RPSA2: variants seen among roughly 807,000 people sequenced by gnomAD.
The protein encoded by RPSA2 is ribosomal protein SA 2.
the RPSA2 span, among the ~76,000 whole-genome samples, chr19:23,858,956 A>C: frequency 6.6e-6 from 1 of 152,206 alleles, no homozygotes; most frequent in African/African-American, 2.4e-5. Flanking sequence ...GAGGGCTGGA[A>C]GTCCCACTTG....
chr19:23,857,485 CTTTTTTTT>C, the RPSA2 span, among the ~76,000 whole-genome samples: 1 of 95,258 alleles, frequency 1.0e-5, no homozygotes, highest in South Asian at 4.2e-4. Context: ...TTTTTAAAGT[CTTTTTTTT>C]TTTTTTTTTT....
chr19:23,808,367 T>C, the RPSA2 span, among the ~76,000 whole-genome samples: 1 of 149,514 alleles, frequency 6.7e-6, no homozygotes, highest in Non-Finnish European at 1.5e-5. Flanking sequence ...CCTCCCAGGT[T>C]CAAGCGATTC....
chr19:23,767,761 G>GTTTTTTTTTT, the RPSA2 span, among the ~76,000 whole-genome samples: 1 of 73,102 alleles, frequency 1.4e-5, no homozygotes, highest in Non-Finnish European at 2.5e-5. Flanking sequence ...TTCAATTTCA[G>GTTTTTTTTTT]TTTTTTTTTT....
the RPSA2 span, among the ~76,000 whole-genome samples, chr19:23,774,791 G>A: frequency 6.6e-6 from 1 of 152,138 alleles, no homozygotes; most frequent in Non-Finnish European, 1.5e-5. Flanking sequence ...TACTGTCTGT[G>A]CCCTGATTTC....
chr19:23,802,560 T>A, the RPSA2 span, among the ~76,000 whole-genome samples: 2 of 152,222 alleles, frequency 1.3e-5, no homozygotes. Flanking sequence ...TCTGTCTTAC[T>A]GTAAAAGAAA....
the RPSA2 span, among the ~76,000 whole-genome samples, chr19:23,761,931 T>TCTCTC: frequency 1.6e-5 from 1 of 61,692 alleles, no homozygotes; most frequent in African/African-American, 7.5e-5. Flanking sequence ...TTTTTTTTTT[T>TCTCTC]TTTTGAGATG....
the RPSA2 span, among the ~76,000 whole-genome samples, chr19:23,856,073 G>T: frequency 0.98 from 148,542 of 151,876 alleles, 72,733 homozygotes; most frequent in Middle Eastern, 1. Flanking sequence ...GGTGGGGGAG[G>T]AGTAGGTGAA....
the RPSA2 span, among the ~76,000 whole-genome samples, chr19:23,786,033 T>C: frequency 6.6e-6 from 1 of 152,190 alleles, no homozygotes; most frequent in Non-Finnish European, 1.5e-5. Flanking sequence ...CAGTTAAAAT[T>C]GTGACTGTCA....
chr19:23,865,794 C>T, the RPSA2 span, among the ~76,000 whole-genome samples: 1 of 152,138 alleles, frequency 6.6e-6, no homozygotes, highest in African/African-American at 2.4e-5. Context: ...TGATCCACCA[C>T]ATTTTTGACA....
At chr19:23,835,291 A>G in the RPSA2 span, among the ~76,000 whole-genome samples, 57 of 152,300 alleles carry the variant, frequency 3.7e-4, no homozygotes, top group Non-Finnish European at 7.5e-4. Flanking sequence ...AGAGTTAAAT[A>G]TTCACATCTA....
the RPSA2 span, among the ~76,000 whole-genome samples, chr19:23,787,533 C>T: frequency 7.9e-5 from 12 of 151,938 alleles, no homozygotes; most frequent in Admixed American, 2.6e-4. Flanking sequence ...TGGTTGAATT[C>T]GGGAGGTGGA....
the RPSA2 span, among the ~76,000 whole-genome samples, chr19:23,824,528 T>A: frequency 6.6e-6 from 1 of 151,650 alleles, no homozygotes; most frequent in Non-Finnish European, 1.5e-5. Context: ...AGTTTTATGA[T>A]GGTGTTCATT....
At chr19:23,797,805 T>A in the RPSA2 span, among the ~76,000 whole-genome samples, 1 of 152,228 alleles carries the variant, frequency 6.6e-6, no homozygotes, top group African/African-American at 2.4e-5. Context: ...TTTTCTTCCG[T>A]AAACATTCTT....
At chr19:23,832,232 A>G in the RPSA2 span, 1 of 444,784 alleles carries the variant, frequency 2.2e-6, no homozygotes, top group Non-Finnish European at 4.6e-6. Flanking sequence ...AAATGTGAAG[A>G]ATGTGGCAAA....
chr19:23,818,017 C>T, the RPSA2 span: 1 of 152,118 alleles, frequency 6.6e-6, no homozygotes, highest in African/African-American at 2.4e-5. Context: ...CATCATTGCT[C>T]TATGGGAGGA....
At chr19:23,760,771 C>A in the RPSA2 span, among the ~76,000 whole-genome samples, 15 of 150,460 alleles carry the variant, frequency 1.0e-4, no homozygotes, top group Admixed American at 5.3e-4. Flanking sequence ...TTCAAGCAAT[C>A]CTCCTGCCTC....
the RPSA2 span, among the ~76,000 whole-genome samples, chr19:23,778,682 C>G: frequency 3.7e-4 from 57 of 152,164 alleles, no homozygotes; most frequent in South Asian, 0.011. Flanking sequence ...CTGCATGATC[C>G]CAGCCCACAC....
At chr19:23,836,272 T>G in the RPSA2 span, among the ~76,000 whole-genome samples, 12 of 152,174 alleles carry the variant, frequency 7.9e-5, no homozygotes, top group Non-Finnish European at 1.6e-4. Flanking sequence ...CTGAGTTACT[T>G]CACGTAGAAT....
At chr19:23,867,505 C>A in the RPSA2 span, among the ~76,000 whole-genome samples, 1 of 149,926 alleles carries the variant, frequency 6.7e-6, no homozygotes, top group African/African-American at 2.5e-5. Flanking sequence ...CAAGGAAACC[C>A]TAACCCAATA....
Sources: gnomAD v4.1 joint callset for allele counts (sites outside exome capture counted in the v4.1 genomes callset) on GRCh38, gnomAD v4.1.1 for gene constraint, MANE v1.5 for transcripts, NCBI Gene and HGNC (gene_info 2026-07-23, HGNC 2026-07-21) for gene names.